DNAAF9: variants seen among roughly 807,000 people sequenced by gnomAD.
DNAAF9 encodes the protein dynein axonemal assembly factor 9.
A neutral mutation model predicts 167.0 loss-of-function variants in DNAAF9; 90 were observed. The observed-to-expected ratio is 0.54, with a 90% confidence interval of 0.45 to 0.64. DNAAF9 has a LOEUF of 0.64. Among genes scored for constraint, DNAAF9 ranks in the 30% least tolerant of loss-of-function variants. The probability of loss-of-function intolerance (pLI) is 0.00; values close to 1 mark genes in which losing one functional copy is unlikely to be tolerated. For synonymous variants in DNAAF9, 491 were observed against 508.8 expected (o/e 0.96, Z 0.47); for missense variants, 1,315 against 1,442.2 (o/e 0.91, Z 1.43).
chr20:3,348,661 A>T, intron 7 of DNAAF9, 38 bp from the exon 8 acceptor site: 1 of 1,257,746 alleles, frequency 8.0e-7, no homozygotes, highest in Non-Finnish European at 1.1e-6. Context: ...GTTTGGTCAT[A>T]TAAAGGAGGT....
chr20:3,402,951 C>A (rs76520813), intron 1 of DNAAF9, among the ~76,000 whole-genome samples: 2 of 152,250 alleles, frequency 1.3e-5, no homozygotes, highest in Non-Finnish European at 1.5e-5. Flanking sequence ...AATCTGGAAA[C>A]GTATGTCCTT....
At chr20:3,326,424 T>TA (rs1404792709) in intron 12 of DNAAF9, 140 bp from the exon 13 acceptor site, 2 of 628,782 alleles carry the variant, frequency 3.2e-6, no homozygotes, top group Non-Finnish European at 5.6e-6. Flanking sequence ...CACTGATTTC[T>TA]AAACCTTTTA....
At chr20:3,360,847 TGTGCTTCCAA>T (rs1361725622) in intron 6 of DNAAF9, among the ~76,000 whole-genome samples, 1 of 152,330 alleles carries the variant, frequency 6.6e-6, no homozygotes, top group East Asian at 1.9e-4. Context: ...AAGGATCACG[TGTGCTTCCAA>T]GTGTCTTCAT....
At chr20:3,254,052 T>G (rs1346734714) in intron 35 of DNAAF9, among the ~76,000 whole-genome samples, 1 of 152,192 alleles carries the variant, frequency 6.6e-6, no homozygotes, top group Admixed American at 6.5e-5. Flanking sequence ...TGTGCAGTGG[T>G]ACTGATGTGC....
chr20:3,302,031 C>A (rs1178839515), intron 21 of DNAAF9, among the ~76,000 whole-genome samples: 1 of 152,072 alleles, frequency 6.6e-6, no homozygotes, highest in African/African-American at 2.4e-5. Flanking sequence ...CAACCTCCAC[C>A]TCCTGGGTTA....
intron 6 of DNAAF9, among the ~76,000 whole-genome samples, chr20:3,368,569 G>A (rs150270873): frequency 1.4e-5 from 2 of 147,744 alleles, no homozygotes; most frequent in Non-Finnish European, 1.5e-5. Context: ...CTGGAGTGCA[G>A]TGGCATGATC....
intron 27 of DNAAF9, among the ~76,000 whole-genome samples, chr20:3,282,972 C>T (rs1031723593): frequency 2.6e-5 from 4 of 152,164 alleles, no homozygotes; most frequent in African/African-American, 9.7e-5. Context: ...ACCCTATTTT[C>T]TCATTTATTT....
chr20:3,319,082 C>CAAAAAAAAAAA (rs71195834), intron 16 of DNAAF9, among the ~76,000 whole-genome samples: 57 of 71,124 alleles, frequency 8.0e-4, no homozygotes, highest in East Asian at 2.5e-3. Context: ...GACTCTGTCT[C>CAAAAAAAAAAA]AAAAAAAAAA....
At chr20:3,403,030 T>G (rs2084010069) in intron 1 of DNAAF9, among the ~76,000 whole-genome samples, 1 of 152,226 alleles carries the variant, frequency 6.6e-6, no homozygotes, top group South Asian at 2.1e-4. Flanking sequence ...ACCTGCTATC[T>G]CTCCCTGTTA....
At chr20:3,254,009 C>G (rs1376585568) in intron 35 of DNAAF9, among the ~76,000 whole-genome samples, 190 bp from the exon 36 acceptor site, 1 of 152,192 alleles carries the variant, frequency 6.6e-6, no homozygotes, top group Non-Finnish European at 1.5e-5. Flanking sequence ...GTGAGGAGCT[C>G]TGGGAGGTCC....
rs2068179301 is a variant in DNAAF9 at position 3,250,419 on chromosome 20, C to T, written c.*2153G>A. On this transcript the variant is annotated 3_prime_UTR_variant, in exon 37 of 37. Transcript: ENST00000252032. Reference sequence around the variant, plus strand: ...TTTCGCCAGCTGCCCCTTCACGTTCCCGAGTAGGCTGAGGAGCATCAACAG... The same window carrying T: ...TTTCGCCAGCTGCCCCTTCACGTTCTCGAGTAGGCTGAGGAGCATCAACAG... 6.6e-6 allele frequency: 1 copy of T among 152,228 alleles called. No homozygotes were observed. Among genetic ancestry groups the T allele is most frequent in the Non-Finnish European group, 1.5e-5 (1 of 68,046 alleles). 9.4% of individuals were successfully genotyped at this position (152,228 alleles called of 1,614,324 possible). A position where few individuals can be genotyped will look rare whatever the true frequency, so the allele number is the denominator to read the frequency against.
At chr20:3,255,485 G>C (rs1360723284) in intron 34 of DNAAF9, among the ~76,000 whole-genome samples, 1 of 152,110 alleles carries the variant, frequency 6.6e-6, no homozygotes, top group African/African-American at 2.4e-5. Flanking sequence ...AGCCAGCAGG[G>C]AACAAGCAGC....
chr20:3,311,985 T>TCTTTTTTTG (rs2069421495), intron 20 of DNAAF9, among the ~76,000 whole-genome samples: 1 of 118,496 alleles, frequency 8.4e-6, no homozygotes, highest in Admixed American at 9.1e-5. Context: ...TTCTCTTTTT[T>TCTTTTTTTG]CTTTTTTTTC....
chr20:3,344,953 A>G (rs2070165058), intron 8 of DNAAF9, among the ~76,000 whole-genome samples: 2 of 152,154 alleles, frequency 1.3e-5, no homozygotes, highest in East Asian at 1.9e-4. Context: ...TTCAGTGGCT[A>G]TTTGGATTTC....
At chr20:3,257,028 C>A (rs2007022) in intron 33 of DNAAF9, among the ~76,000 whole-genome samples, 37,987 of 151,836 alleles carry the variant, frequency 0.25, 5,342 homozygotes, top group African/African-American at 0.37. Flanking sequence ...GACAAAAAAA[C>A]CAGTACAGCA....
chr20:3,294,731 G>C (rs2281506), intron 23 of DNAAF9, 102 bp from the exon 24 acceptor site: 196,579 of 721,098 alleles, frequency 0.27, 27,941 homozygotes, highest in East Asian at 0.36. Flanking sequence ...CAATGACAGA[G>C]TCAACTCTTC....
intron 9 of DNAAF9, among the ~76,000 whole-genome samples, chr20:3,341,059 A>G (rs2070075202): frequency 6.6e-6 from 1 of 152,104 alleles, no homozygotes; most frequent in African/African-American, 2.4e-5. Context: ...TTCCTGAGTA[A>G]CTTTCAATAG....
At chr20:3,310,337 G>GAAAGAAAA (rs1436717539) in intron 20 of DNAAF9, among the ~76,000 whole-genome samples, 1 of 128,832 alleles carries the variant, frequency 7.8e-6, no homozygotes, top group Non-Finnish European at 1.6e-5. Flanking sequence ...GAAAGAAAAA[G>GAAAGAAAA]AAAGAAAGAA....
At chr20:3,321,012 G>C (rs2069605729) in intron 16 of DNAAF9, among the ~76,000 whole-genome samples, 1 of 152,176 alleles carries the variant, frequency 6.6e-6, no homozygotes, top group Admixed American at 6.6e-5. Context: ...GGAGGACTCA[G>C]CTTGTGGCTG....
Sources: gnomAD v4.1 joint callset for allele counts (sites outside exome capture counted in the v4.1 genomes callset) on GRCh38, gnomAD v4.1.1 for gene constraint, MANE v1.5 for transcripts, NCBI Gene and HGNC (gene_info 2026-07-23, HGNC 2026-07-21) for gene names.